The following RBFOX1 variants were observed in gnomAD, a reference collection of about 807,000 sequenced individuals.
The protein encoded by RBFOX1 is RNA binding fox-1 homolog 1, also known as RNA binding protein fox-1 homolog 1.
In RBFOX1, 8 loss-of-function variants were observed where a neutral mutation model predicts 57.7. The ratio of observed to expected loss-of-function variants is 0.14; its 90% CI spans 0.08 to 0.25. The LOEUF (loss-of-function observed/expected upper bound fraction) is 0.25. RBFOX1 is among the 10% of genes least tolerant of loss of function. The pLI is 1.00. For synonymous variants in RBFOX1, 326 were observed against 222.4 expected, an observed-to-expected ratio of 1.47 and a Z score of -4.15; for missense variants, 611 against 548.5, an observed-to-expected ratio of 1.11 and a Z score of -1.14.
intron 1 of RBFOX1, among the ~76,000 whole-genome samples, chr16:6,295,521 T>C (rs1011449356): frequency 1.3e-5 from 2 of 152,234 alleles, no homozygotes; most frequent in African/African-American, 4.8e-5. Flanking sequence ...GTACATAGCC[T>C]GTAGTTGGGT....
At chr16:6,129,598 GAA>G (rs982434402) in intron 1 of RBFOX1, among the ~76,000 whole-genome samples, 1 of 150,128 alleles carries the variant, frequency 6.7e-6, no homozygotes, top group African/African-American at 2.5e-5. Context: ...GAATAGGATA[GAA>G]AAAACAGTTG....
In RBFOX1 at chr16:6,545,356, C is replaced by G. The variant is rs372775088; in HGVS notation, c.-63-109247C>G. ...AAAACGGATAACTTGGCCTGTAATC[C>G]CAGTTTCATCTGGCCTCTTGCCTTT... On this transcript the variant is annotated intron_variant, in intron 2 of 15. Coordinates refer to ENST00000550418, the MANE Select transcript of RBFOX1 (RefSeq NM_018723.4). Among the ~76,000 whole-genome samples, 7 of 152,254 alleles carry G rather than the reference C, an allele frequency of 4.6e-5. No homozygotes were observed. The South Asian group carries it at 8.3e-4, about 18-fold the overall frequency.
At chr16:5,736,149 G>A (rs1255562885) in intron 3 of RBFOX1, among the ~76,000 whole-genome samples, 2 of 152,018 alleles carry the variant, frequency 1.3e-5, no homozygotes, top group Non-Finnish European at 2.9e-5. Context: ...ACGTGGACCC[G>A]TGGAGCCACT....
chr16:6,653,836 A>G (rs1482996770), intron 2 of RBFOX1, among the ~76,000 whole-genome samples: 1 of 151,134 alleles, frequency 6.6e-6, no homozygotes, highest in Non-Finnish European at 1.5e-5. Context: ...TGCAGGATAG[A>G]TGGATGATTG....
chr16:6,811,512 C>T (rs1236422855), intron 3 of RBFOX1, among the ~76,000 whole-genome samples: 2 of 152,136 alleles, frequency 1.3e-5, no homozygotes, highest in Admixed American at 1.3e-4. Context: ...GATTATGTAG[C>T]TAGTCCTCAG....
At chr16:7,147,808 G>T (rs574919230) in intron 4 of RBFOX1, among the ~76,000 whole-genome samples, 1 of 152,274 alleles carries the variant, frequency 6.6e-6, no homozygotes, top group Non-Finnish European at 1.5e-5. Context: ...TTGGTAGAAC[G>T]ATTTATTTTT....
intron 4 of RBFOX1, among the ~76,000 whole-genome samples, chr16:7,488,878 A>G (rs975551544): frequency 6.6e-6 from 1 of 151,938 alleles, no homozygotes; most frequent in African/African-American, 2.4e-5. Flanking sequence ...CTACTTATCT[A>G]CTGTCATTTT....
intron 2 of RBFOX1, among the ~76,000 whole-genome samples, chr16:6,367,045 C>G (rs1274268977): frequency 1.3e-5 from 2 of 152,170 alleles, no homozygotes; most frequent in African/African-American, 4.8e-5. Context: ...TATTTTCTTC[C>G]TCATCCCACT....
At chr16:5,750,097 A>G (rs1462720177) in intron 3 of RBFOX1, among the ~76,000 whole-genome samples, 3 of 152,200 alleles carry the variant, frequency 2.0e-5, no homozygotes, top group Admixed American at 1.3e-4. Flanking sequence ...CAAGACCCTC[A>G]GCTGCAGGTC....
intron 11 of RBFOX1, among the ~76,000 whole-genome samples, chr16:7,638,472 G>A (rs765245864): frequency 7.9e-5 from 12 of 152,260 alleles, no homozygotes; most frequent in African/African-American, 2.9e-4. Context: ...GCTGAGCAGG[G>A]AGTGGTCACG....
intron 1 of RBFOX1, among the ~76,000 whole-genome samples, chr16:6,291,937 G>T (rs1449104095): frequency 1.3e-5 from 2 of 150,188 alleles, no homozygotes; most frequent in Non-Finnish European, 3.0e-5. Context: ...TATAGACTCT[G>T]TGTTGGAATG....
chr16:7,513,596 G>A (rs2075695093), intron 4 of RBFOX1, among the ~76,000 whole-genome samples: 1 of 152,136 alleles, frequency 6.6e-6, no homozygotes, highest in East Asian at 1.9e-4. Flanking sequence ...CCACCCACTA[G>A]ATGGCAGTAG....
chr16:6,298,066 G>C lies in RBFOX1; in HGVS notation c.-126-18929G>C, dbSNP rs9941147. Reference sequence around the variant, plus strand: ...TGCAAATAGGCAGAGGGTCTGCTGTGCTTGTTAACACTTAAGCCATCCGTG... The same window carrying C: ...TGCAAATAGGCAGAGGGTCTGCTGTCCTTGTTAACACTTAAGCCATCCGTG... On this transcript the variant is annotated intron_variant, in intron 1 of 15. Coordinates refer to ENST00000550418, the MANE Select transcript of RBFOX1 (RefSeq NM_018723.4). Among the ~76,000 whole-genome samples the C allele has an allele frequency of 8.5e-3, 1,290 of 152,348 alleles. 26 individuals carry two copies. The highest frequency in any genetic ancestry group is 0.029 in the African/African-American group (1,207 of 41,576).
chr16:7,098,362 G>A (rs987802581), intron 4 of RBFOX1, among the ~76,000 whole-genome samples: 11 of 152,122 alleles, frequency 7.2e-5, no homozygotes, highest in African/African-American at 2.2e-4. Flanking sequence ...TGGAGATGGG[G>A]TTTCGCCATT....
chr16:6,520,132 C>T (rs566371610), intron 2 of RBFOX1, among the ~76,000 whole-genome samples: 173 of 152,288 alleles, frequency 1.1e-3, no homozygotes, highest in African/African-American at 4.0e-3. Flanking sequence ...GGAGCTTCTT[C>T]ATGGCCATCC....
At chr16:5,315,242 G>A (rs1019718558) in intron 1 of RBFOX1, among the ~76,000 whole-genome samples, 1 of 152,224 alleles carries the variant, frequency 6.6e-6, no homozygotes, top group African/African-American at 2.4e-5. Context: ...CCCATCTGCT[G>A]TGGGACGGGG....
chr16:5,969,052 C>A (rs1338390444), intron 4 of RBFOX1, among the ~76,000 whole-genome samples: 1 of 151,684 alleles, frequency 6.6e-6, no homozygotes, highest in Admixed American at 6.6e-5. Context: ...TCTTTTATTT[C>A]TTTGCCTTAG....
chr16:7,318,018 G>C (rs960212022), intron 4 of RBFOX1, among the ~76,000 whole-genome samples: 4 of 151,928 alleles, frequency 2.6e-5, no homozygotes, highest in Admixed American at 1.3e-4. Context: ...CGGTAGCGAT[G>C]ATGGTGATGA....
At chr16:7,546,234 G>A (rs942825462) in intron 5 of RBFOX1, among the ~76,000 whole-genome samples, 2 of 151,952 alleles carry the variant, frequency 1.3e-5, no homozygotes, top group Non-Finnish European at 2.9e-5. Flanking sequence ...GCCTGAGGTG[G>A]GAGAATCGTT....
Sources: gnomAD v4.1 joint callset for allele counts (sites outside exome capture counted in the v4.1 genomes callset) on GRCh38, gnomAD v4.1.1 for gene constraint, MANE v1.5 for transcripts, NCBI Gene and HGNC (gene_info 2026-07-23, HGNC 2026-07-21) for gene names.